COL4A1: variants seen among roughly 807,000 people sequenced by gnomAD.
COL4A1 encodes collagen type IV alpha 1 chain, also known as collagen alpha-1(IV) chain.
In COL4A1, 40 loss-of-function variants were observed where a neutral mutation model predicts 216.6. That is an observed-to-expected ratio of 0.18 (90% CI 0.14 to 0.24). COL4A1 has a LOEUF of 0.24. Ranked by LOEUF, COL4A1 falls within the 10% of genes least tolerant of loss-of-function variation. The probability of loss-of-function intolerance (pLI) is 1.00; values close to 1 mark genes in which losing one functional copy is unlikely to be tolerated. For synonymous variants in COL4A1, 839 were observed against 810.7 expected (o/e 1.03, Z -0.59); for missense variants, 1,628 against 2,196.8 (o/e 0.74, Z 5.18).
At chr13:110,270,923 A>C (rs565958739) in intron 1 of COL4A1, among the ~76,000 whole-genome samples, 2 of 152,330 alleles carry the variant, frequency 1.3e-5, no homozygotes, top group Admixed American at 1.3e-4. Context: ...GGGAGAGAAC[A>C]AAGTGAGCCT....
intron 1 of COL4A1, among the ~76,000 whole-genome samples, chr13:110,286,526 G>T (rs1199952225): frequency 1.3e-5 from 2 of 152,212 alleles, no homozygotes; most frequent in Non-Finnish European, 2.9e-5. Context: ...AGGAGGAACA[G>T]TTCCCAGGAA....
At position 110,209,374 on chromosome 13, in the gene COL4A1, A is replaced by T. The variant is rs1879666665; in HGVS notation, c.651+18T>A. 1 of 1,611,432 alleles carries T rather than the reference A, an allele frequency of 6.2e-7. No individual in the cohort carries two copies. On this transcript the variant is annotated intron_variant, in intron 11 of 51. Coordinates refer to ENST00000375820, the MANE Select transcript of COL4A1 (RefSeq NM_001845.6). ...CTTATACTAATGCCAAAGAACAAAA[A>T]ATGAAAAGAACTTTTACCTTTTCAC...
intron 2 of COL4A1, among the ~76,000 whole-genome samples, chr13:110,237,348 A>G (rs1012824006): frequency 1.3e-5 from 2 of 151,838 alleles, no homozygotes; most frequent in African/African-American, 2.4e-5. Flanking sequence ...AGATGGGGTT[A>G]GTTCAGCGGT....
chr13:110,167,625 C>T (rs921987103), intron 43 of COL4A1, among the ~76,000 whole-genome samples: 6 of 152,166 alleles, frequency 3.9e-5, no homozygotes, highest in African/African-American at 1.4e-4. Context: ...GAAAACTTTC[C>T]CCTTAATCCT....
intron 1 of COL4A1, among the ~76,000 whole-genome samples, chr13:110,275,453 T>C (rs1883393691): frequency 6.6e-6 from 1 of 152,070 alleles, no homozygotes; most frequent in Admixed American, 6.6e-5. Context: ...TCATTGCGGG[T>C]GGGGATACAA....
rs571275661 is a variant in COL4A1, at chr13:110,252,681, T to C, written c.85-9947A>G. 6.2e-4 allele frequency among the ~76,000 whole-genome samples: 89 copies of C among 143,358 alleles called. 4 individuals are homozygous for C. The highest frequency in any genetic ancestry group is 8.9e-4 in the Non-Finnish European group (59 of 66,096). 94.0% of individuals were successfully genotyped at this position (143,358 alleles called of 152,430 possible). On this transcript the variant is annotated intron_variant, in intron 1 of 51. Coordinates refer to ENST00000375820, the MANE Select transcript of COL4A1 (RefSeq NM_001845.6). Reference sequence around the variant, plus strand: ...TATATGTATATATACATATAATATGTATATATACATATAATTATATGTATA... The same window carrying C: ...TATATGTATATATACATATAATATGCATATATACATATAATTATATGTATA...
chr13:110,232,179 G>A (rs1212985929), intron 2 of COL4A1, among the ~76,000 whole-genome samples: 3 of 152,136 alleles, frequency 2.0e-5, no homozygotes, highest in Non-Finnish European at 4.4e-5. Context: ...ACTATGTGAC[G>A]AACCAAAGCT....
intron 40 of COL4A1, among the ~76,000 whole-genome samples, chr13:110,173,189 G>T (rs2139158797): frequency 6.6e-6 from 1 of 152,236 alleles, no homozygotes; most frequent in Non-Finnish European, 1.5e-5. Flanking sequence ...CTTGAGGGAA[G>T]ATTCAAATCG....
At chr13:110,203,477 C>T in intron 18 of COL4A1, 89 bp downstream of exon 18, 2 of 1,477,674 alleles carry the variant, frequency 1.4e-6, no homozygotes, top group Non-Finnish European at 1.9e-6. Context: ...GGGTCCTCTC[C>T]TTCCTCCCCC....
chr13:110,155,579 T>G (rs1340599287), intron 49 of COL4A1, among the ~76,000 whole-genome samples, 182 bp from the exon 50 acceptor site: 1 of 152,226 alleles, frequency 6.6e-6, no homozygotes, highest in Non-Finnish European at 1.5e-5. Flanking sequence ...CCGTTGGTTT[T>G]ATAAGCCTGT....
At chr13:110,198,032 A>G (rs1878982882) in intron 21 of COL4A1, among the ~76,000 whole-genome samples, 1 of 150,494 alleles carries the variant, frequency 6.6e-6, no homozygotes, top group Admixed American at 6.6e-5. Flanking sequence ...TCTGGACTTT[A>G]CTAATGTAAT....
intron 13 of COL4A1, 79 bp from the exon 14 acceptor site, chr13:110,206,970 A>T: frequency 1.0e-5 from 6 of 571,924 alleles, no homozygotes; most frequent in Non-Finnish European, 1.5e-5. Context: ...CACACAGCAG[A>T]AAAAAAAAAA....
chr13:110,279,305 C>G (rs1438539228), intron 1 of COL4A1, among the ~76,000 whole-genome samples: 1 of 152,086 alleles, frequency 6.6e-6, no homozygotes, highest in Admixed American at 6.6e-5. Context: ...TTCTGGAGTC[C>G]AGTTCCACAC....
chr13:110,283,508 TCACGCACACA>T (rs1183387153), intron 1 of COL4A1, among the ~76,000 whole-genome samples: 1 of 152,158 alleles, frequency 6.6e-6, no homozygotes, highest in East Asian at 1.9e-4. Flanking sequence ...ACGCACACTC[TCACGCACACA>T]CACGCACATG....
chr13:110,152,244 T>C (rs1250347800), intron 51 of COL4A1, 90 bp downstream of exon 51: 1 of 1,567,034 alleles, frequency 6.4e-7, no homozygotes, highest in African/African-American at 1.3e-5. Flanking sequence ...TTTGAGACTT[T>C]GCATTGGAAG....
intron 1 of COL4A1, among the ~76,000 whole-genome samples, chr13:110,258,455 G>A (rs568039851): frequency 5.9e-5 from 9 of 152,214 alleles, no homozygotes; most frequent in East Asian, 1.9e-4. Context: ...CAGGAGAATC[G>A]CTTGAACCCA....
chr13:110,212,913 T>C (rs1879884654), intron 4 of COL4A1, among the ~76,000 whole-genome samples: 1 of 152,222 alleles, frequency 6.6e-6, no homozygotes, highest in Non-Finnish European at 1.5e-5. Flanking sequence ...GTGGAATCCA[T>C]GCACCATGGA....
At chr13:110,225,087 A>T (rs1417588012) in intron 2 of COL4A1, among the ~76,000 whole-genome samples, 2 of 152,116 alleles carry the variant, frequency 1.3e-5, no homozygotes, top group African/African-American at 2.4e-5. Flanking sequence ...TGGGTTTTAC[A>T]GGTGCCCTGC....
intron 50 of COL4A1, among the ~76,000 whole-genome samples, chr13:110,154,177 A>T (rs1192202): frequency 4.9e-4 from 75 of 152,220 alleles, no homozygotes; most frequent in African/African-American, 1.6e-3. Flanking sequence ...ATGATGGTGC[A>T]GATGTATGTG....
Sources: gnomAD v4.1 joint callset for allele counts (sites outside exome capture counted in the v4.1 genomes callset) on GRCh38, gnomAD v4.1.1 for gene constraint, MANE v1.5 for transcripts, NCBI Gene and HGNC (gene_info 2026-07-23, HGNC 2026-07-21) for gene names.